Variants in BZW1 observed in about 807,000 individuals in gnomAD.
The protein encoded by BZW1 is eIF5-mimic protein 2.
BZW1 carries 3 observed loss-of-function variants against 54.1 expected under a neutral mutation model. That is an observed-to-expected ratio of 0.06 (90% confidence interval 0.03 to 0.14). The LOEUF is 0.14. Among genes scored for constraint, BZW1 ranks in the 10% least tolerant of loss-of-function variants. BZW1 has a pLI of 1.00. For missense variants in BZW1, 206 were observed against 491.7 expected (o/e 0.42, Z 5.50); for synonymous variants, 152 against 162.7 (o/e 0.93, Z 0.50).
intron 2 of BZW1, 44 bp from the exon 3 acceptor site, chr2:200,815,297 T>C: frequency 6.5e-7 from 1 of 1,538,496 alleles, no homozygotes; most frequent in Non-Finnish European, 8.8e-7. Flanking sequence ...GGCATTTTGG[T>C]AAATCTTTTA....
In BZW1 at chr2:200,818,231, T is replaced by G; in HGVS notation, c.657T>G (p.Phe219Leu). ...ATAAATTCTTCTTTTAGGAACTCTT[T>G]CCTGCCAATAAGCAAAGTGTTGAAC... ...VSMDNRLMELFPANKQSVEHF... is the reference protein window; with the variant it reads ...VSMDNRLMELLPANKQSVEHF... Residue 219 changes from phenylalanine (F) to leucine (L), a missense_variant, in exon 8 of 12, where the codon TTT (phenylalanine) becomes TTG (leucine). Around this residue, in one of 5 missense-constraint regions of BZW1, gnomAD observed 81 missense variants for 257.1 expected, o/e 0.32. Coordinates refer to ENST00000409600, the MANE Select transcript of BZW1 (RefSeq NM_001207067.2). 6.4e-7 allele frequency: 1 copy of G among 1,572,828 alleles called. No homozygotes were observed. Among genetic ancestry groups the G allele is most frequent in the Non-Finnish European group, 8.6e-7 (1 of 1,161,848 alleles).
At position 200,826,037 on chromosome 2, in the gene BZW1, T is replaced by C. The variant is rs1575064777; in HGVS notation, c.*3859T>C. On this transcript the variant is annotated 3_prime_UTR_variant, in exon 12 of 12. Coordinates refer to ENST00000409600, the MANE Select transcript of BZW1 (RefSeq NM_001207067.2). ...GCCTACTAAGGCCTACAGGTTAAAA[T>C]ACCAGGAATAAAAAGGTTTTCAGTG... The C allele has an allele frequency of 6.6e-6, 1 of 152,314 alleles. No individual in the cohort carries two copies. Among genetic ancestry groups the C allele is most frequent in the East Asian group, 1.9e-4 (1 of 5,190 alleles). The allele number at this position is 152,314 out of a possible 1,614,324, so 9.4% of individuals were successfully genotyped here.
chr2:200,817,114 G>A lies in BZW1; in HGVS notation c.411G>A (p.Leu137=). ...GFEDEVKKLL[L]FLKGFSESER... ...TGTTTTACTTTTTACAGCTGCTGCTGTTCTTGAAGGGTTTTTCAGAGTCGG... is the reference window on the plus strand; with the variant it reads ...TGTTTTACTTTTTACAGCTGCTGCTATTCTTGAAGGGTTTTTCAGAGTCGG... Residue 137 remains leucine (L), a synonymous_variant, in exon 6 of 12, where the codon CTG becomes CTA. Coordinates refer to ENST00000409600, the MANE Select transcript of BZW1 (RefSeq NM_001207067.2). 6.2e-7 allele frequency: 1 copy of A among 1,613,762 alleles called. No individual in the cohort carries two copies. The highest frequency in any genetic ancestry group is 8.5e-7 in the Non-Finnish European group (1 of 1,179,846).
At chr2:200,817,509 C>G in intron 6 of BZW1, among the ~76,000 whole-genome samples, 1 of 152,010 alleles carries the variant, frequency 6.6e-6, no homozygotes, top group Middle Eastern at 3.2e-3. Flanking sequence ...TGTGGGAACC[C>G]CAGAAGAGAT....
At chr2:200,812,114 T>C (rs1403383181) in intron 1 of BZW1, 124 bp downstream of exon 1, 2 of 795,840 alleles carry the variant, frequency 2.5e-6, no homozygotes, top group African/African-American at 3.6e-5. Context: ...AGGTCGCCTC[T>C]TGAGGCCGGG....
At chr2:200,812,667 C>G (rs1575045461) in intron 1 of BZW1, 2 of 1,143,544 alleles carry the variant, frequency 1.7e-6, no homozygotes, top group Non-Finnish European at 2.5e-6. Flanking sequence ...GGAGGCTGGG[C>G]TGGCTGTTAG....
chr2:200,826,407 A>AGATAGATAGATATT lies in BZW1; in HGVS notation c.*4229_*4230insGATAGATAGATATT, dbSNP rs1559318394. On this transcript the variant is annotated 3_prime_UTR_variant, in exon 12 of 12. Coordinates refer to ENST00000409600, the MANE Select transcript of BZW1 (RefSeq NM_001207067.2). The stretch of plus-strand genomic sequence containing the variant: ...TAGATAGATAGATAGATAGATAGAT[A>AGATAGATAGATATT]TTTTTTTTTTTTTTTTTTTTTTTTT... The AGATAGATAGATATT allele has an allele frequency of 3.1e-4, 17 of 54,942 alleles. No homozygotes were observed. The highest frequency in any genetic ancestry group is 1.7e-3 in the East Asian group (4 of 2,408). The allele number at this position is 54,942 out of a possible 1,614,324, so 3.4% of individuals were successfully genotyped here.
chr2:200,820,194 A>G (rs964307283), intron 10 of BZW1, 74 bp downstream of exon 10: 38 of 1,260,468 alleles, frequency 3.0e-5, no homozygotes, highest in Middle Eastern at 2.0e-4. Flanking sequence ...CCAAATGATG[A>G]GTTATCTGGA....
Position 200,817,173 on chromosome 2 carries a change from T to C in BZW1, c.470T>C (p.Leu157Pro). The change falls in exon 6 of 12, where the codon CTT (leucine) becomes CCT (proline). Residue 157 changes from leucine (L) to proline (P), a missense_variant. Leu to Pro is a moderately conservative substitution (Grantham distance 98, BLOSUM62 -3). This residue lies in a region of BZW1 where 81 missense variants were observed against 257.1 expected (regional missense o/e 0.32). Transcript: ENST00000409600. ...AAGCTAGCTATGTTGACTGGTGTTC[T>C]TCTGGCTAATGGAACACTTAATGCA... Reference protein sequence around the residue: ...RNKLAMLTGVLLANGTLNASI... With the variant: ...RNKLAMLTGVPLANGTLNASI... 1 of 1,613,874 alleles carries C rather than the reference T, an allele frequency of 6.2e-7. No homozygotes were observed. The highest frequency in any genetic ancestry group is 8.5e-7 in the Non-Finnish European group (1 of 1,179,822).
chr2:200,813,361 A>G (rs1465745449), intron 2 of BZW1, 80 bp downstream of exon 2: 158 of 1,258,872 alleles, frequency 1.3e-4, no homozygotes, highest in Non-Finnish European at 1.7e-4. Flanking sequence ...AGGTACTTGC[A>G]TATTACTAAA....
intron 2 of BZW1, among the ~76,000 whole-genome samples, chr2:200,813,676 A>T (rs1206277872): frequency 6.6e-6 from 1 of 152,164 alleles, no homozygotes; most frequent in Non-Finnish European, 1.5e-5. Flanking sequence ...GTGAGAGAAA[A>T]CTCAGACTTC....
In BZW1 at chr2:200,826,403, AGATATTTTTTTTTTTT is replaced by A. The variant is rs1559318367; in HGVS notation, c.*4226_*4241del. On this transcript the variant is annotated 3_prime_UTR_variant, in exon 12 of 12. Transcript: ENST00000409600. ...TAGATAGATAGATAGATAGATAGATAGATATTTTTTTTTTTTTTTTTTTTTTTTTTTTTTTTTTTGA... is the reference window on the plus strand; with the variant it reads ...TAGATAGATAGATAGATAGATAGATATTTTTTTTTTTTTTTTTTTTTTTGA... 3 of 59,216 alleles carry A rather than the reference AGATATTTTTTTTTTTT, an allele frequency of 5.1e-5. No homozygotes were observed. Among genetic ancestry groups the A allele is most frequent in the South Asian group, 4.2e-4 (1 of 2,386 alleles). 3.7% of individuals were successfully genotyped at this position (59,216 alleles called of 1,614,324 possible).
intron 1 of BZW1, chr2:200,812,865 T>C (rs2105861288): frequency 1.5e-6 from 1 of 655,790 alleles, no homozygotes; most frequent in South Asian, 1.5e-5. Flanking sequence ...CGTTCTGCGA[T>C]GCTTAGTGGT....
chr2:200,816,854 T>C (rs546480332), intron 5 of BZW1, among the ~76,000 whole-genome samples: 2 of 152,316 alleles, frequency 1.3e-5, no homozygotes, highest in African/African-American at 4.8e-5. Context: ...GTTCTAATGA[T>C]ACTAATTCAC....
intron 9 of BZW1, chr2:200,819,195 C>T: frequency 3.1e-6 from 1 of 319,388 alleles, no homozygotes; most frequent in South Asian, 3.6e-5. Flanking sequence ...TTAAGACGTG[C>T]CTGGGCAACA....
rs1434122915 is a variant in BZW1, at chr2:200,823,235, A to G, written c.*1057A>G. 6.0e-6 allele frequency: 1 copy of G among 165,478 alleles called. No individual in the cohort carries two copies. The highest frequency in any genetic ancestry group is 2.4e-5 in the African/African-American group (1 of 41,440). 10.3% of individuals were successfully genotyped at this position (165,478 alleles called of 1,614,324 possible). On this transcript the variant is annotated 3_prime_UTR_variant, in exon 12 of 12. Coordinates refer to ENST00000409600, the MANE Select transcript of BZW1 (RefSeq NM_001207067.2). ...CAATTATATATTCCTACTCGGTCATACTGGACTGGCTTCGTTCTCTTAATA... is the reference window on the plus strand; with the variant it reads ...CAATTATATATTCCTACTCGGTCATGCTGGACTGGCTTCGTTCTCTTAATA...
At chr2:200,819,328 G>A (rs1402825644) in intron 9 of BZW1, among the ~76,000 whole-genome samples, 1 of 152,148 alleles carries the variant, frequency 6.6e-6, no homozygotes, top group Non-Finnish European at 1.5e-5. Context: ...GATCAAGACT[G>A]CAGTGAGCTT....
Position 200,826,525 on chromosome 2 carries a change from C to T in BZW1, c.*4347C>T, listed in dbSNP as rs2038707509. On this transcript the variant is annotated 3_prime_UTR_variant, in exon 12 of 12. Coordinates refer to ENST00000409600, the MANE Select transcript of BZW1 (RefSeq NM_001207067.2). ...CTGCAAGCTCCGCCTTGGGGGTTCA[C>T]ACCATTCTCCTGTCTCAGCCTCCTA... 1 of 146,110 alleles carries T rather than the reference C, an allele frequency of 6.8e-6. No homozygotes were observed. Among genetic ancestry groups the T allele is most frequent in the Non-Finnish European group, 1.5e-5 (1 of 67,054 alleles). 9.1% of individuals were successfully genotyped at this position (146,110 alleles called of 1,614,324 possible). A position where few individuals can be genotyped will look rare whatever the true frequency, so the allele number is the denominator to read the frequency against.
intron 9 of BZW1, among the ~76,000 whole-genome samples, chr2:200,819,580 T>C (rs2105700985): frequency 6.6e-6 from 1 of 152,046 alleles, no homozygotes; most frequent in South Asian, 2.1e-4. Flanking sequence ...TTTTTTCTCT[T>C]GAGACAGTCT....
Sources: gnomAD v4.1 joint callset for allele counts (sites outside exome capture counted in the v4.1 genomes callset) on GRCh38, gnomAD v4.1.1 for gene constraint, gnomAD v4.1.1 regional missense constraint, MANE v1.5 for transcripts, NCBI Gene and HGNC (gene_info 2026-07-23, HGNC 2026-07-21) for gene names.